Variants in SLC24A3 observed in about 807,000 individuals in gnomAD.
SLC24A3 encodes sodium/potassium/calcium exchanger 3.
SLC24A3 carries 28 observed loss-of-function variants against 75.8 expected under a neutral mutation model. The ratio of observed to expected loss-of-function variants is 0.37; its 90% CI spans 0.27 to 0.51. The LOEUF (loss-of-function observed/expected upper bound fraction) is 0.51, where lower values mean the gene tolerates loss of function less well. Ranked by LOEUF, SLC24A3 falls within the 20% of genes least tolerant of loss-of-function variation. The pLI is 0.94. For synonymous variants in SLC24A3, 372 were observed against 334.1 expected, an observed-to-expected ratio of 1.11 and a Z score of -1.24; for missense variants, 663 against 847.8, an observed-to-expected ratio of 0.78 and a Z score of 2.71.
chr20:19,722,689 C>T lies in SLC24A3; in HGVS notation c.*1549C>T, dbSNP rs1244596869. ...TCTGGTATGAATTTGTAAAAATAAC[C>T]TGCTACAAATTGGTTGAATGTTTCT... On this transcript the variant is annotated 3_prime_UTR_variant, in exon 17 of 17. Coordinates refer to ENST00000328041, the MANE Select transcript of SLC24A3 (RefSeq NM_020689.4). 1 of 152,622 alleles carries T rather than the reference C, an allele frequency of 6.6e-6. No homozygotes were observed. The highest frequency in any genetic ancestry group is 2.4e-5 in the African/African-American group (1 of 41,432). The allele number at this position is 152,622 out of a possible 1,614,324, so 9.5% of individuals were successfully genotyped here.
intron 2 of SLC24A3, among the ~76,000 whole-genome samples, chr20:19,497,740 G>T (rs1271536575): frequency 6.6e-6 from 1 of 152,164 alleles, no homozygotes; most frequent in Admixed American, 6.5e-5. Flanking sequence ...GAAGCACAGA[G>T]CTCTCGAGTT....
intron 2 of SLC24A3, among the ~76,000 whole-genome samples, chr20:19,493,234 G>C (rs1322210660): frequency 6.6e-6 from 1 of 152,188 alleles, no homozygotes; most frequent in Non-Finnish European, 1.5e-5. Flanking sequence ...CCTTGAGTTG[G>C]TCACATGAGC....
At chr20:19,295,894 C>T (rs1032180222) in intron 2 of SLC24A3, among the ~76,000 whole-genome samples, 1 of 152,118 alleles carries the variant, frequency 6.6e-6, no homozygotes, top group African/African-American at 2.4e-5. Flanking sequence ...AGAGAAGTCC[C>T]TCCTTCTCAA....
chr20:19,258,861 T>C (rs1982900238), intron 1 of SLC24A3, among the ~76,000 whole-genome samples: 1 of 152,164 alleles, frequency 6.6e-6, no homozygotes, highest in Non-Finnish European at 1.5e-5. Context: ...GGCCAGTGTC[T>C]TCAGGAATCA....
chr20:19,515,866 C>T (rs528341603), intron 3 of SLC24A3, among the ~76,000 whole-genome samples: 1 of 152,352 alleles, frequency 6.6e-6, no homozygotes, highest in African/African-American at 2.4e-5. Flanking sequence ...ACACCACCCT[C>T]TTGGGGAGCC....
chr20:19,646,841 C>CTGGGTG (rs1555804532), intron 6 of SLC24A3, among the ~76,000 whole-genome samples: 1 of 144,584 alleles, frequency 6.9e-6, no homozygotes, highest in African/African-American at 2.5e-5. Flanking sequence ...TTACAAAACT[C>CTGGGTG]TGTGTGTGTG....
chr20:19,578,477 A>G (rs1241391874), intron 3 of SLC24A3, among the ~76,000 whole-genome samples: 2 of 151,966 alleles, frequency 1.3e-5, no homozygotes, highest in African/African-American at 2.4e-5. Flanking sequence ...GTTTATATCC[A>G]TAAAAAGAGG....
chr20:19,633,513 G>C (rs2031962078), intron 6 of SLC24A3, among the ~76,000 whole-genome samples: 1 of 151,588 alleles, frequency 6.6e-6, no homozygotes, highest in Non-Finnish European at 1.5e-5. Flanking sequence ...GCCGGGCGTA[G>C]TGGCGGGCGC....
At chr20:19,400,814 C>T (rs534310896) in intron 2 of SLC24A3, among the ~76,000 whole-genome samples, 3 of 152,312 alleles carry the variant, frequency 2.0e-5, no homozygotes, top group South Asian at 2.1e-4. Context: ...ATTCATTTCT[C>T]ATCTTTTGGG....
At chr20:19,669,629 C>T (rs948853305) in intron 8 of SLC24A3, among the ~76,000 whole-genome samples, 3 of 152,112 alleles carry the variant, frequency 2.0e-5, no homozygotes, top group Admixed American at 6.5e-5. Flanking sequence ...GAAGGCCCAA[C>T]AAGAAAACTA....
chr20:19,233,172 C>T (rs928233999), intron 1 of SLC24A3, among the ~76,000 whole-genome samples: 5 of 152,214 alleles, frequency 3.3e-5, no homozygotes, highest in African/African-American at 9.7e-5. Context: ...AACTGAGTTT[C>T]GCAAGAGCGA....
intron 1 of SLC24A3, among the ~76,000 whole-genome samples, chr20:19,236,769 A>C (rs536833301): frequency 6.6e-6 from 1 of 152,196 alleles, no homozygotes; most frequent in Admixed American, 6.5e-5. Context: ...AACAAAACAA[A>C]ACAAACAAAA....
intron 4 of SLC24A3, among the ~76,000 whole-genome samples, chr20:19,584,237 C>T (rs1335004954): frequency 1.3e-5 from 2 of 152,122 alleles, no homozygotes; most frequent in African/African-American, 4.8e-5. Flanking sequence ...GTATAAACCC[C>T]GTCTTGGCAG....
chr20:19,586,518 G>A (rs774710832), intron 6 of SLC24A3, among the ~76,000 whole-genome samples: 1 of 152,062 alleles, frequency 6.6e-6, no homozygotes, highest in African/African-American at 2.4e-5. Flanking sequence ...AAAGCCCCGG[G>A]GCAGCCTTCC....
At chr20:19,441,898 C>T (rs1987304892) in intron 2 of SLC24A3, among the ~76,000 whole-genome samples, 1 of 152,010 alleles carries the variant, frequency 6.6e-6, no homozygotes, top group Non-Finnish European at 1.5e-5. Context: ...ATCATAAAAC[C>T]ACTGATTTTT....
At chr20:19,436,231 C>T (rs544331873) in intron 2 of SLC24A3, among the ~76,000 whole-genome samples, 5 of 152,296 alleles carry the variant, frequency 3.3e-5, no homozygotes, top group Admixed American at 6.5e-5. Context: ...ACTAATGGAA[C>T]TTCTAATTGA....
chr20:19,602,506 C>G (rs902046185), intron 6 of SLC24A3, among the ~76,000 whole-genome samples: 2 of 152,162 alleles, frequency 1.3e-5, no homozygotes, highest in Non-Finnish European at 2.9e-5. Flanking sequence ...TTTAAAGCTT[C>G]GAAACCACAG....
chr20:19,264,561 CTAAAA>C (rs1443409539), intron 1 of SLC24A3, among the ~76,000 whole-genome samples: 9 of 151,300 alleles, frequency 5.9e-5, no homozygotes, highest in African/African-American at 2.2e-4. Flanking sequence ...CCTGTCTCTA[CTAAAA>C]TAAAAAAAAA....
intron 15 of SLC24A3, among the ~76,000 whole-genome samples, chr20:19,715,197 A>G (rs2033032200): frequency 1.3e-5 from 2 of 152,220 alleles, no homozygotes; most frequent in Admixed American, 1.3e-4. Context: ...GGGGATTATC[A>G]TAGTCAGTGT....
Sources: allele counts gnomAD v4.1 joint callset (sites outside exome capture counted in the v4.1 genomes callset), GRCh38; gene constraint gnomAD v4.1.1; transcripts MANE v1.5; gene names NCBI Gene and HGNC (gene_info 2026-07-23, HGNC 2026-07-21).